The following NRXN1 variants were observed in gnomAD, a reference collection of about 807,000 sequenced individuals.
The protein encoded by NRXN1 is neurexin 1.
Under a neutral mutation model 150.9 loss-of-function variants are expected in NRXN1, and 39 were observed. The ratio of observed to expected loss-of-function variants is 0.26; its 90% CI spans 0.20 to 0.34. The LOEUF is 0.34. Among genes scored for constraint, NRXN1 ranks in the 10% least tolerant of loss-of-function variants. The pLI is 1.00. For synonymous variants in NRXN1, 924 were observed against 757.0 expected (o/e 1.22, Z -3.62); for missense variants, 1,815 against 1,949.9 (o/e 0.93, Z 1.30).
At chr2:50,052,309 C>CTA (rs1692844711) in intron 21 of NRXN1, among the ~76,000 whole-genome samples, 1 of 152,086 alleles carries the variant, frequency 6.6e-6, no homozygotes, top group South Asian at 2.1e-4. Context: ...ACTGAATATA[C>CTA]TCACTATCAG....
At position 50,915,471 on chromosome 2, in the gene NRXN1, T is replaced by C. The variant is rs144373812; in HGVS notation, c.832+6398A>G. Among the ~76,000 whole-genome samples the C allele has an allele frequency of 2.0e-5, 3 of 151,750 alleles. No homozygotes were observed. In the East Asian group the frequency reaches 5.9e-4, roughly 30 times the overall value. ...GTTGCTCAAAGTGGAGGCAAGCCTATTTCATCCTCATTATTGTATGTAAGA... is the reference window on the plus strand; with the variant it reads ...GTTGCTCAAAGTGGAGGCAAGCCTACTTCATCCTCATTATTGTATGTAAGA... On this transcript the variant is annotated intron_variant, in intron 5 of 22. Coordinates refer to ENST00000401669, the MANE Select transcript of NRXN1 (RefSeq NM_001330078.2).
chr2:50,187,955 T>C (rs1403542018), intron 18 of NRXN1, among the ~76,000 whole-genome samples: 1 of 152,136 alleles, frequency 6.6e-6, no homozygotes, highest in South Asian at 2.1e-4. Flanking sequence ...TTTGCTGAAG[T>C]TGCTTATTAA....
At chr2:50,746,691 T>C (rs910856154) in intron 5 of NRXN1, among the ~76,000 whole-genome samples, 3 of 152,266 alleles carry the variant, frequency 2.0e-5, no homozygotes, top group South Asian at 2.1e-4. Flanking sequence ...TTCTTTTCAT[T>C]GGCCACTGGC....
chr2:50,840,537 G>A (rs11675267), intron 5 of NRXN1, among the ~76,000 whole-genome samples: 53,860 of 151,838 alleles, frequency 0.35, 10,903 homozygotes, highest in Non-Finnish European at 0.48. Flanking sequence ...AACACGTCTC[G>A]GCTTGCCTGA....
intron 17 of NRXN1, among the ~76,000 whole-genome samples, chr2:50,247,026 T>C (rs1401646226): frequency 1.3e-5 from 2 of 152,042 alleles, no homozygotes. Flanking sequence ...ACCATAAGAC[T>C]CCTGATTCTG....
intron 16 of NRXN1, among the ~76,000 whole-genome samples, chr2:50,471,812 C>T (rs145105949): frequency 6.6e-6 from 1 of 151,826 alleles, no homozygotes; most frequent in East Asian, 1.9e-4. Context: ...GCAAAATCAT[C>T]TGTACAAAAA....
At chr2:50,632,997 T>C (rs1354470251) in intron 5 of NRXN1, 1 of 152,140 alleles carries the variant, frequency 6.6e-6, no homozygotes, top group Non-Finnish European at 1.5e-5. Flanking sequence ...TTTGTAAACT[T>C]AGTGCCACTC....
intron 21 of NRXN1, among the ~76,000 whole-genome samples, chr2:50,010,184 C>A (rs1685428101): frequency 6.6e-6 from 1 of 151,722 alleles, no homozygotes; most frequent in Non-Finnish European, 1.5e-5. Context: ...AAGGAGAACA[C>A]CAAATATTAT....
At chr2:50,956,936 C>G (rs1210722307) in intron 2 of NRXN1, among the ~76,000 whole-genome samples, 1 of 151,914 alleles carries the variant, frequency 6.6e-6, no homozygotes, top group African/African-American at 2.4e-5. Context: ...AATGAAGGAG[C>G]AGAGGGAGTT....
chr2:50,146,481 G>C (rs1321015854), intron 18 of NRXN1, among the ~76,000 whole-genome samples: 1 of 151,532 alleles, frequency 6.6e-6, no homozygotes, highest in South Asian at 2.1e-4. Context: ...ACATTTGTTA[G>C]ATTATATAGA....
chr2:50,060,395 C>T (rs1336622153), intron 19 of NRXN1, among the ~76,000 whole-genome samples: 1 of 152,100 alleles, frequency 6.6e-6, no homozygotes. Context: ...GAAGTACCCA[C>T]CTTGCTTTTG....
At chr2:50,217,777 G>A (rs2063506930) in intron 18 of NRXN1, among the ~76,000 whole-genome samples, 1 of 152,008 alleles carries the variant, frequency 6.6e-6, no homozygotes, top group Non-Finnish European at 1.5e-5. Context: ...AAGTCTCTCT[G>A]CAGTATGACA....
chr2:50,969,111 T>C (rs1694590332), intron 2 of NRXN1, among the ~76,000 whole-genome samples: 1 of 152,140 alleles, frequency 6.6e-6, no homozygotes, highest in Admixed American at 6.6e-5. Context: ...CACACAGCTA[T>C]GCCCTTCCTG....
intron 21 of NRXN1, among the ~76,000 whole-genome samples, chr2:49,998,314 GAGA>G (rs1330716143): frequency 6.6e-6 from 1 of 152,126 alleles, no homozygotes; most frequent in African/African-American, 2.4e-5. Context: ...GTAGTACAAT[GAGA>G]AGGATAACCT....
chr2:49,924,866 A>G (rs1481252190), intron 22 of NRXN1, among the ~76,000 whole-genome samples: 1 of 152,184 alleles, frequency 6.6e-6, no homozygotes, highest in Non-Finnish European at 1.5e-5. Context: ...CATAGCAGAT[A>G]TTATTATAGG....
chr2:50,284,923 T>G (rs2071930373), intron 17 of NRXN1, among the ~76,000 whole-genome samples: 1 of 152,116 alleles, frequency 6.6e-6, no homozygotes, highest in Admixed American at 6.6e-5. Context: ...AAAAAAGAGT[T>G]AAGTTCCTGG....
chr2:50,835,035 T>G (rs1375742500), intron 5 of NRXN1, among the ~76,000 whole-genome samples: 1 of 152,184 alleles, frequency 6.6e-6, no homozygotes, highest in Non-Finnish European at 1.5e-5. Context: ...TGGTTTTCCT[T>G]AGACCTGTAT....
At chr2:50,200,903 C>T (rs2062112202) in intron 18 of NRXN1, among the ~76,000 whole-genome samples, 1 of 151,982 alleles carries the variant, frequency 6.6e-6, no homozygotes, top group Non-Finnish European at 1.5e-5. Context: ...TTCTTTTTAT[C>T]AGTCAATACT....
chr2:50,927,678 T>G, intron 2 of NRXN1, among the ~76,000 whole-genome samples: 1 of 152,070 alleles, frequency 6.6e-6, no homozygotes, highest in Non-Finnish European at 1.5e-5. Flanking sequence ...TTGTATCTTC[T>G]GTTTAAGATG....
Sources: gnomAD v4.1 joint callset for allele counts (sites outside exome capture counted in the v4.1 genomes callset) on GRCh38, gnomAD v4.1.1 for gene constraint, MANE v1.5 for transcripts, NCBI Gene and HGNC (gene_info 2026-07-23, HGNC 2026-07-21) for gene names.